The following PTCHD4 variants were observed in gnomAD, a reference collection of about 807,000 sequenced individuals.
The protein encoded by PTCHD4 is patched domain containing 4, also known as patched domain-containing protein 4.
In PTCHD4, 33 loss-of-function variants were observed where a neutral mutation model predicts 58.1. That is an observed-to-expected ratio of 0.57 (90% CI 0.43 to 0.76). The LOEUF (loss-of-function observed/expected upper bound fraction) is 0.76, where lower values mean the gene tolerates loss of function less well. Ranked by LOEUF, PTCHD4 falls within the 30% of genes least tolerant of loss-of-function variation. PTCHD4 has a pLI of 0.00. For synonymous variants in PTCHD4, 478 were observed against 409.6 expected, an observed-to-expected ratio of 1.17 and a Z score of -2.02; for missense variants, 1,058 against 1,027.1, an observed-to-expected ratio of 1.03 and a Z score of -0.41.
At chr6:47,930,475 A>G (rs933854795) in intron 4 of PTCHD4, among the ~76,000 whole-genome samples, 1 of 152,236 alleles carries the variant, frequency 6.6e-6, no homozygotes, top group Non-Finnish European at 1.5e-5. Flanking sequence ...TGTGTCTACA[A>G]GATCACTATA....
chr6:48,074,264 C>T (rs1582114040), intron 1 of PTCHD4, among the ~76,000 whole-genome samples: 4 of 152,286 alleles, frequency 2.6e-5, no homozygotes, highest in Admixed American at 2.6e-4. Context: ...TCTTATCTCA[C>T]ATAACAAGAT....
intron 4 of PTCHD4, among the ~76,000 whole-genome samples, chr6:47,929,265 C>G (rs773371033): frequency 6.6e-6 from 1 of 152,144 alleles, no homozygotes; most frequent in Admixed American, 6.5e-5. Context: ...ACTAAAGATT[C>G]AAACTCAGAA....
intron 4 of PTCHD4, among the ~76,000 whole-genome samples, chr6:47,991,196 A>C (rs981870456): frequency 2.0e-5 from 3 of 152,172 alleles, no homozygotes; most frequent in Non-Finnish European, 2.9e-5. Flanking sequence ...ATTCAAAGCA[A>C]AACAAATAGA....
At chr6:48,066,080 G>GT (rs1435615596) in intron 3 of PTCHD4, among the ~76,000 whole-genome samples, 1 of 151,706 alleles carries the variant, frequency 6.6e-6, no homozygotes, top group Non-Finnish European at 1.5e-5. Flanking sequence ...GTTACTCTGG[G>GT]TGAGGACACT....
intron 1 of PTCHD4, among the ~76,000 whole-genome samples, chr6:48,103,740 G>A (rs1765658563): frequency 6.6e-6 from 1 of 152,140 alleles, no homozygotes; most frequent in Non-Finnish European, 1.5e-5. Context: ...AATAAGCAAT[G>A]CAGAGAAGTA....
chr6:48,052,718 A>G (rs540364832), intron 3 of PTCHD4, among the ~76,000 whole-genome samples: 23 of 152,184 alleles, frequency 1.5e-4, no homozygotes, highest in African/African-American at 5.1e-4. Flanking sequence ...TGTCAAAGAC[A>G]GAGTATTTAA....
At chr6:48,009,189 G>A in intron 3 of PTCHD4, 75 bp from the exon 4 acceptor site, 2 of 1,444,492 alleles carry the variant, frequency 1.4e-6, no homozygotes, top group Admixed American at 5.0e-5. Flanking sequence ...CTAAGTGAAG[G>A]AGCACAAGGA....
Position 48,008,920 on chromosome 6 carries a change from C to A in PTCHD4, c.612G>T (p.Glu204Asp), listed in dbSNP as rs1357119120. Residue 204 changes from glutamate (E) to aspartate (D), a missense_variant, in exon 4 of 5, where the codon GAG (glutamate) becomes GAT (aspartate). Physicochemically the swap from Glu to Asp is conservative, Grantham distance 45 (BLOSUM62 2). Transcript: ENST00000339488. Reference protein sequence around the residue: ...EFCKLIRKLQEEHQELQLYSL... With the variant: ...EFCKLIRKLQDEHQELQLYSL... ...AGTAGAGCTGGAGTTCTTGATGCTC[C>A]TCCTGGAGCTTCCTTATAAGCTTAC... 2.1e-5 allele frequency: 34 copies of A among 1,613,864 alleles called. No individual in the cohort carries two copies. Among genetic ancestry groups the A allele is most frequent in the Non-Finnish European group, 2.7e-5 (32 of 1,179,896 alleles).
chr6:47,900,198 A>T (rs769353281), intron 4 of PTCHD4: 1 of 152,196 alleles, frequency 6.6e-6, no homozygotes, highest in Non-Finnish European at 1.5e-5. Context: ...CATTTTTAGG[A>T]ACTGTCAGAC....
intron 3 of PTCHD4, among the ~76,000 whole-genome samples, chr6:48,041,013 G>A (rs961791218): frequency 2.0e-5 from 3 of 151,938 alleles, no homozygotes; most frequent in African/African-American, 4.8e-5. Flanking sequence ...TAATGATTAC[G>A]GCAGTTCCAT....
Position 47,981,609 on chromosome 6 carries a change from T to C in PTCHD4, c.898+27025A>G, listed in dbSNP as rs1767885455. Among the ~76,000 whole-genome samples, 3 of 152,192 alleles carry C rather than the reference T, an allele frequency of 2.0e-5. No homozygotes were observed. The South Asian group carries it at 6.2e-4, about 31-fold the overall frequency. On this transcript the variant is annotated intron_variant, in intron 4 of 4. Coordinates refer to ENST00000339488, the MANE Select transcript of PTCHD4 (RefSeq NM_001384253.1). ...TTTGCTTATGTTCTTTTCTTAATTT[T>C]GTGTGCTAGTGCCTCTCTTTACTAA...
At chr6:47,907,166 T>C (rs1764915329) in intron 4 of PTCHD4, among the ~76,000 whole-genome samples, 1 of 152,216 alleles carries the variant, frequency 6.6e-6, no homozygotes, top group African/African-American at 2.4e-5. Context: ...GAAATGACTG[T>C]ACTCGGAACA....
rs191571366 is a variant in PTCHD4, at chr6:47,984,801, T to C, written c.898+23833A>G. Among the ~76,000 whole-genome samples the C allele has an allele frequency of 3.3e-3, 508 of 152,206 alleles. 6 individuals are homozygous for C. The highest frequency in any genetic ancestry group is 0.011 in the African/African-American group (475 of 41,560). On this transcript the variant is annotated intron_variant, in intron 4 of 4. Transcript: ENST00000339488. ...AGGTAATTTGTCATAATTGCACTTA[T>C]GATCTAAAATAAAATAAATTTGAAT...
At chr6:48,104,325 G>A (rs947940093) in intron 1 of PTCHD4, among the ~76,000 whole-genome samples, 2 of 152,116 alleles carry the variant, frequency 1.3e-5, no homozygotes, top group African/African-American at 4.8e-5. Flanking sequence ...GAATTTTCAA[G>A]CTAGAATTTC....
Position 47,865,388 on chromosome 6 carries a change from T to A in PTCHD4, c.*12915A>T, listed in dbSNP as rs553663636. Among the ~76,000 whole-genome samples the A allele has an allele frequency of 6.6e-6, 1 of 151,982 alleles. No individual in the cohort carries two copies. The highest frequency in any genetic ancestry group is 1.5e-5 in the Non-Finnish European group (1 of 67,882). ...AAAGCAATTTCCTGAAAATTTGTGGTAAAGCTTTACAAATGTTATAAAAAT... is the reference window on the plus strand; with the variant it reads ...AAAGCAATTTCCTGAAAATTTGTGGAAAAGCTTTACAAATGTTATAAAAAT... On this transcript the variant is annotated 3_prime_UTR_variant, in exon 5 of 5. Transcript: ENST00000339488.
intron 1 of PTCHD4, among the ~76,000 whole-genome samples, chr6:48,106,110 C>A (rs534152848): frequency 6.6e-6 from 1 of 152,146 alleles, no homozygotes; most frequent in Non-Finnish European, 1.5e-5. Context: ...ATGAGGCCAG[C>A]ATCATCCTGA....
intron 3 of PTCHD4, among the ~76,000 whole-genome samples, chr6:48,019,820 T>G (rs554340384): frequency 6.6e-6 from 1 of 152,198 alleles, no homozygotes; most frequent in African/African-American, 2.4e-5. Flanking sequence ...ATCGCCTAAC[T>G]TAGTGGGTAC....
intron 1 of PTCHD4, among the ~76,000 whole-genome samples, chr6:48,109,475 A>G (rs1203445445): frequency 6.6e-6 from 1 of 152,126 alleles, no homozygotes; most frequent in African/African-American, 2.4e-5. Context: ...AATTCCTGGA[A>G]GAAAACATAG....
rs1330440105 is a variant in PTCHD4 at position 47,857,969 on chromosome 6, T to G, written c.*20334A>C. Among the ~76,000 whole-genome samples, 1 of 152,024 alleles carries G rather than the reference T, an allele frequency of 6.6e-6. No homozygotes were observed. Among genetic ancestry groups the G allele is most frequent in the Non-Finnish European group, 1.5e-5 (1 of 67,956 alleles). On this transcript the variant is annotated 3_prime_UTR_variant, in exon 5 of 5. Coordinates refer to ENST00000339488, the MANE Select transcript of PTCHD4 (RefSeq NM_001384253.1). ...ACAATAACATGTTTAAGGATGTCAT[T>G]TGTTTCACATCTCAAACCCAAACCC...
Sources: allele counts gnomAD v4.1 joint callset (sites outside exome capture counted in the v4.1 genomes callset), GRCh38; gene constraint gnomAD v4.1.1; transcripts MANE v1.5; gene names NCBI Gene and HGNC (gene_info 2026-07-23, HGNC 2026-07-21).